The following GRHL3 variants were observed in gnomAD, a reference collection of about 807,000 sequenced individuals.
GRHL3 encodes grainyhead-like protein 3 homolog.
In GRHL3, 20 loss-of-function variants were observed where a neutral mutation model predicts 70.3. That is an observed-to-expected ratio of 0.28 (90% CI 0.20 to 0.41). GRHL3 has a LOEUF of 0.41. GRHL3 is among the 10% of genes least tolerant of loss of function. The probability of loss-of-function intolerance (pLI) is 1.00; values close to 1 mark genes in which losing one functional copy is unlikely to be tolerated. For synonymous variants in GRHL3, 299 were observed against 299.9 expected, an observed-to-expected ratio of 1.00 and a Z score of 0.03; for missense variants, 637 against 762.3, an observed-to-expected ratio of 0.84 and a Z score of 1.94.
In GRHL3 at chr1:24,363,887, G is replaced by A. The variant is rs78394413; in HGVS notation, c.1695-298G>A. On this transcript the variant is annotated intron_variant, in intron 15 of 15. Transcript: ENST00000350501. ...GGAATTGGGACACAAGGAGACAGAC[G>A]CTGAGCACCTAGACTGCCTTCAACC... Among the ~76,000 whole-genome samples the A allele has an allele frequency of 4.0e-3, 608 of 152,254 alleles. 4 individuals are homozygous for A. The highest frequency in any genetic ancestry group is 0.014 in the African/African-American group (576 of 41,530).
At chr1:24,353,736 A>G (rs1470277672) in intron 15 of GRHL3, among the ~76,000 whole-genome samples, 3 of 152,190 alleles carry the variant, frequency 2.0e-5, no homozygotes, top group South Asian at 2.1e-4. Context: ...TTTCTTTGGC[A>G]TAAACAATGG....
In GRHL3 at chr1:24,347,538, G is replaced by T. The variant is rs773044471; in HGVS notation, c.1614G>T (p.Lys538Asn). ...DALMLKTPDLKGLRNAISEKY... is the reference protein window; with the variant it reads ...DALMLKTPDLNGLRNAISEKY... ...TCATGTTGAAGACCCCAGACCTGAA[G>T]GGGCTGAGGAATGCGGTAAGCTGCC... The change falls in exon 14 of 16, where the codon AAG becomes AAT. Residue 538 changes from lysine (K) to asparagine (N), a missense_variant. Lys to Asn is a moderately conservative substitution (Grantham distance 94). Coordinates refer to ENST00000361548, the MANE Select transcript of GRHL3 (RefSeq NM_198173.3). 2 of 1,613,966 alleles carry T rather than the reference G, an allele frequency of 1.2e-6. No homozygotes were observed. Among genetic ancestry groups the T allele is most frequent in the Non-Finnish European group, 1.7e-6 (2 of 1,179,804 alleles).
At chr1:24,361,102 T>A (rs1484813418) in intron 15 of GRHL3, 4 of 1,457,354 alleles carry the variant, frequency 2.7e-6, no homozygotes, top group Non-Finnish European at 3.7e-6. Flanking sequence ...AGGCACAGTT[T>A]CTAGACACAG....
At chr1:24,344,442 G>A (rs911848975) in intron 11 of GRHL3, among the ~76,000 whole-genome samples, 8 of 139,078 alleles carry the variant, frequency 5.8e-5, no homozygotes, top group Non-Finnish European at 3.1e-5. Flanking sequence ...AGTGAGCTGT[G>A]ATGGTGGGAC....
At chr1:24,320,469 G>T (rs1422232216) in intron 1 of GRHL3, among the ~76,000 whole-genome samples, 1 of 152,220 alleles carries the variant, frequency 6.6e-6, no homozygotes, top group Non-Finnish European at 1.5e-5. Context: ...TGGGATCTGG[G>T]CTGCTTTAGA....
In GRHL3 at chr1:24,336,139, C is replaced by T. The variant is rs563845021; in HGVS notation, c.267-343C>T. On this transcript the variant is annotated intron_variant, in intron 3 of 15. Coordinates refer to ENST00000361548, the MANE Select transcript of GRHL3 (RefSeq NM_198173.3). ...ACACCCCGCTAGGGTTGACTCAATA[C>T]AGTTGTTTTGAAGTAGGGACGTTTT... 2.0e-5 allele frequency among the ~76,000 whole-genome samples: 3 copies of T among 152,192 alleles called. No individual in the cohort carries two copies. In the East Asian group the frequency reaches 5.8e-4, roughly 29 times the overall value.
downstream of GRHL3, chr1:24,358,533 T>C: frequency 6.2e-7 from 1 of 1,610,494 alleles, no homozygotes; most frequent in African/African-American, 1.3e-5. Flanking sequence ...CTTGACCTTG[T>C]GTGACATCCC....
intron 15 of GRHL3, among the ~76,000 whole-genome samples, chr1:24,353,619 A>G (rs1266852878): frequency 1.3e-5 from 2 of 152,096 alleles, no homozygotes; most frequent in African/African-American, 4.8e-5. Context: ...CAACTCCATT[A>G]CATGCTCAGA....
chr1:24,344,106 C>T (rs888132246), intron 11 of GRHL3, among the ~76,000 whole-genome samples: 1 of 152,152 alleles, frequency 6.6e-6, no homozygotes, highest in African/African-American at 2.4e-5. Flanking sequence ...GACAGTCAAC[C>T]TGTGGGGGTT....
intron 15 of GRHL3, among the ~76,000 whole-genome samples, chr1:24,352,015 C>A (rs145921956): frequency 6.6e-6 from 1 of 152,136 alleles, no homozygotes; most frequent in Non-Finnish European, 1.5e-5. Flanking sequence ...CTAATCACTA[C>A]GCAATGTGCA....
chr1:24,358,655 GA>G (rs781115517), downstream of GRHL3: 2 of 1,532,474 alleles, frequency 1.3e-6, no homozygotes, highest in African/African-American at 1.4e-5. Context: ...CATTAAGAGA[GA>G]AAAGGCCCAT....
Position 24,342,834 on chromosome 1 carries a change from G to T in GRHL3, c.1286-58G>T. On this transcript the variant is annotated intron_variant, in intron 10 of 15. Transcript: ENST00000361548. This position sits in a 1 kb window ranked among gnomAD's most constrained non-coding sequence, Gnocchi z 4.8. ...GCGTGAAGGGGAGAAGGAGACCAGA[G>T]GTGGGAGGGACTTGAGTGGAGGGAC... 6.2e-7 allele frequency: 1 copy of T among 1,614,058 alleles called. No homozygotes were observed. The highest frequency in any genetic ancestry group is 2.2e-5 in the East Asian group (1 of 44,878).
intron 13 of GRHL3, among the ~76,000 whole-genome samples, chr1:24,346,856 G>C (rs77770505): frequency 4.6e-5 from 7 of 152,342 alleles, no homozygotes; most frequent in African/African-American, 1.7e-4. Context: ...TCCTGACCTC[G>C]TGTGGACGTG....
intron 14 of GRHL3, among the ~76,000 whole-genome samples, chr1:24,348,132 A>C (rs960370312): frequency 3.3e-5 from 5 of 152,196 alleles, no homozygotes; most frequent in African/African-American, 1.2e-4. Context: ...TGAAGGTGGA[A>C]CCACTCGGAA....
chr1:24,335,647 G>A (rs575226571), intron 3 of GRHL3, among the ~76,000 whole-genome samples: 24 of 151,734 alleles, frequency 1.6e-4, no homozygotes, highest in Non-Finnish European at 2.5e-4. Flanking sequence ...CAGTGGCGCG[G>A]TCTTGGCTCA....
Position 24,342,992 on chromosome 1 carries a change from T to C in GRHL3, c.1386T>C (p.Asn462=), listed in dbSNP as rs760025517. 4 of 1,613,796 alleles carry C rather than the reference T, an allele frequency of 2.5e-6. No individual in the cohort carries two copies. Among genetic ancestry groups the C allele is most frequent in the Non-Finnish European group, 3.4e-6 (4 of 1,179,974 alleles). The part of the protein sequence containing the change: ...LETPPVLFIP[N]VHFSSLQRSG... Reference sequence around the variant, plus strand: ...CGCCACCCGTGCTGTTCATCCCCAATGTGCACTTCTCCAGCCTGCAGCGCT... The same window carrying C: ...CGCCACCCGTGCTGTTCATCCCCAACGTGCACTTCTCCAGCCTGCAGCGCT... The change falls in exon 11 of 16, where the codon AAT becomes AAC. Residue 462 remains asparagine, a synonymous_variant. Transcript: ENST00000361548. This position sits in a 1 kb window ranked among gnomAD's most constrained non-coding sequence, Gnocchi z 4.8.
chr1:24,361,982 C>T (rs925415562), intron 15 of GRHL3, among the ~76,000 whole-genome samples: 2 of 152,180 alleles, frequency 1.3e-5, no homozygotes, highest in African/African-American at 4.8e-5. Context: ...ACTCTCCCAA[C>T]CATGTAATAG....
At chr1:24,332,126 T>G (rs1362477538) in intron 2 of GRHL3, among the ~76,000 whole-genome samples, 2 of 152,152 alleles carry the variant, frequency 1.3e-5, no homozygotes, top group Non-Finnish European at 2.9e-5. Flanking sequence ...CCTCGGATCT[T>G]ACGTTTCCCT....
chr1:24,326,785 A>G (rs150490737), intron 1 of GRHL3, among the ~76,000 whole-genome samples: 1 of 152,324 alleles, frequency 6.6e-6, no homozygotes. Context: ...CTAGCCATAG[A>G]GTTCCCAGGC....
Sources: gnomAD v4.1 joint callset for allele counts (sites outside exome capture counted in the v4.1 genomes callset) on GRCh38, gnomAD v4.1.1 for gene constraint, Gnocchi (gnomAD v3.1) non-coding constraint, MANE v1.5 for transcripts, NCBI Gene and HGNC (gene_info 2026-07-23, HGNC 2026-07-21) for gene names.